CIAPIN1: variants seen among roughly 807,000 people sequenced by gnomAD.
CIAPIN1 encodes the protein anamorsin.
In CIAPIN1, 18 loss-of-function variants were observed where a neutral mutation model predicts 34.3. The observed-to-expected ratio is 0.52, with a 90% CI of 0.36 to 0.78. The LOEUF is 0.78. CIAPIN1 is among the 30% of genes least tolerant of loss of function. The pLI, the probability that CIAPIN1 is intolerant of heterozygous loss-of-function variation, is 0.00. For synonymous variants in CIAPIN1, 131 were observed against 140.4 expected (o/e 0.93, Z 0.47); for missense variants, 310 against 372.5 (o/e 0.83, Z 1.38).
intron 1 of CIAPIN1, among the ~76,000 whole-genome samples, chr16:57,446,742 C>G (rs223858): frequency 6.6e-6 from 1 of 152,108 alleles, no homozygotes; most frequent in African/African-American, 2.4e-5. Context: ...TGGACCACAC[C>G]CAGACCCACT....
Position 57,432,550 on chromosome 16 carries a change from A to G in CIAPIN1, c.567T>C (p.Ala189=), listed in dbSNP as rs975372243. 4 of 1,612,814 alleles carry G rather than the reference A, an allele frequency of 2.5e-6. No individual in the cohort carries two copies. The highest frequency in any genetic ancestry group is 3.4e-6 in the Non-Finnish European group (4 of 1,179,842). Residue 189 remains alanine (A), a synonymous_variant, in exon 6 of 9, where the codon GCT becomes GCC. Transcript: ENST00000394391. ...ACAGCTTGGCAGCAGCAGGGTCCAC[A>G]GCAGGTTTCACTGAGTCCAAGCAAT... ...TKKSSPSVKP[A]VDPAAAKLWT...
intron 1 of CIAPIN1, chr16:57,441,219 G>A (rs1180364711): frequency 9.1e-6 from 2 of 220,096 alleles, no homozygotes; most frequent in East Asian, 1.0e-4. Context: ...GTCAAGAAAG[G>A]GGATTAGAGG....
At chr16:57,444,475 G>A (rs1239666024) in intron 1 of CIAPIN1, among the ~76,000 whole-genome samples, 1 of 152,196 alleles carries the variant, frequency 6.6e-6, no homozygotes, top group East Asian at 1.9e-4. Flanking sequence ...CCTGATAGGA[G>A]GACACTCCAG....
chr16:57,434,435 T>C (rs1305540574), intron 4 of CIAPIN1, among the ~76,000 whole-genome samples: 1 of 152,198 alleles, frequency 6.6e-6, no homozygotes, highest in Non-Finnish European at 1.5e-5. Flanking sequence ...TTGGAAAATG[T>C]AAAAGTACTT....
chr16:57,431,342 G>T, intron 6 of CIAPIN1, 76 bp from the exon 7 acceptor site: 1 of 984,360 alleles, frequency 1.0e-6, no homozygotes, highest in Non-Finnish European at 1.6e-6. Context: ...TGCAGGCTTC[G>T]AGAGGAAACT....
rs1373318453 is a variant in CIAPIN1, at chr16:57,428,541, CTCAAGATATG to C, written c.*619_*628del. 3.3e-5 allele frequency: 5 copies of C among 152,262 alleles called. No individual in the cohort carries two copies. The highest frequency in any genetic ancestry group is 1.2e-4 in the African/African-American group (5 of 41,426). The allele number at this position is 152,262 out of a possible 1,614,324, so 9.4% of individuals were successfully genotyped here. A position where few individuals can be genotyped will look rare whatever the true frequency, so the allele number is the denominator to read the frequency against. ...CCTCTCTTTACAAGACATGCAGAAT[CTCAAGATATG>C]TCAAGATATGCAGCAAGTTTAATAC... On this transcript the variant is annotated 3_prime_UTR_variant, in exon 9 of 9. Transcript: ENST00000394391.
chr16:57,432,549 C>T lies in CIAPIN1; in HGVS notation c.568G>A (p.Val190Met), dbSNP rs1242224163. 6.2e-7 allele frequency: 1 copy of T among 1,612,752 alleles called. No homozygotes were observed. Reference protein sequence around the residue: ...KKSSPSVKPAVDPAAAKLWTL... With the variant: ...KKSSPSVKPAMDPAAAKLWTL... Reference sequence around the variant, plus strand: ...CACAGCTTGGCAGCAGCAGGGTCCACAGCAGGTTTCACTGAGTCCAAGCAA... The same window carrying T: ...CACAGCTTGGCAGCAGCAGGGTCCATAGCAGGTTTCACTGAGTCCAAGCAA... The change falls in exon 6 of 9, where the codon GTG becomes ATG. Residue 190 changes from valine (V) to methionine (M), a missense_variant. Val to Met is a conservative substitution (Grantham distance 21). Transcript: ENST00000394391.
At chr16:57,437,194 T>C (rs72780605) in intron 3 of CIAPIN1, among the ~76,000 whole-genome samples, 6,426 of 152,234 alleles carry the variant, frequency 0.042, 182 homozygotes, top group Middle Eastern at 0.085. Flanking sequence ...GACTTAATGA[T>C]GGTTCTACCT....
At chr16:57,439,133 C>G (rs779004815) in intron 3 of CIAPIN1, 49 bp downstream of exon 3, 2 of 1,604,020 alleles carry the variant, frequency 1.2e-6, no homozygotes, top group Non-Finnish European at 1.7e-6. Flanking sequence ...CACACATACT[C>G]TAAGACTCAA....
In CIAPIN1 at chr16:57,447,353, G is replaced by T; in HGVS notation, c.-67C>A. ...CCCACCACTCTCACCTGCCGCCTGG[G>T]CTCGCTCCCGGCTTCTCTCCAGCCG... On this transcript the variant is annotated 5_prime_UTR_variant, in exon 1 of 9. Coordinates refer to ENST00000394391, the MANE Select transcript of CIAPIN1 (RefSeq NM_020313.4). The T allele has an allele frequency of 1.5e-6, 1 of 668,478 alleles. No homozygotes were observed. Among genetic ancestry groups the T allele is most frequent in the Non-Finnish European group, 2.1e-6 (1 of 473,672 alleles). The allele number at this position is 668,478 out of a possible 1,614,324, so 41.4% of individuals were successfully genotyped here.
In CIAPIN1 at chr16:57,430,265, CA is replaced by C; in HGVS notation, c.820del (p.Cys274ValfsTer31). 1 of 1,614,150 alleles carries C rather than the reference CA, an allele frequency of 6.2e-7. No individual in the cohort carries two copies. Among genetic ancestry groups the C allele is most frequent in the Non-Finnish European group, 8.5e-7 (1 of 1,179,956 alleles). On this transcript the variant is annotated frameshift_variant, in exon 8 of 9. Transcript: ENST00000394391. LOFTEE classifies it high-confidence loss of function. ...EQMSSQPKSACGNCYLGDAFR... is the reference protein window; with the variant it reads ...EQMSSQPKSAXGNCYLGDAFR... Reference sequence around the variant, plus strand: ...AATGATCCTGATATTTACGTTTCCACAAGCTGACTTGGGTTGGGAGCTCATC... The same window carrying C: ...AATGATCCTGATATTTACGTTTCCACAGCTGACTTGGGTTGGGAGCTCATC...
rs1444846204 is a variant in CIAPIN1, at chr16:57,440,840, T to C, written c.89A>G (p.Asp30Gly). The C allele has an allele frequency of 1.9e-6, 3 of 1,613,950 alleles. No homozygotes were observed. Among genetic ancestry groups the C allele is most frequent in the Non-Finnish European group, 1.7e-6 (2 of 1,179,912 alleles). The change falls in exon 2 of 9, where the codon GAT becomes GGT. Residue 30 changes from aspartate to glycine, a missense_variant. Coordinates refer to ENST00000394391, the MANE Select transcript of CIAPIN1 (RefSeq NM_020313.4). ...ATTGCCGGTTAACGCTTGAAGCTTA[T>C]CCACCAGACCTTTCAGAGCCTCCAC... ...SPVEALKGLV[D>G]KLQALTGNEG...
At chr16:57,434,246 C>G (rs1427735392) in intron 4 of CIAPIN1, 34 bp from the exon 5 acceptor site, 1 of 1,608,972 alleles carries the variant, frequency 6.2e-7, no homozygotes, top group Admixed American at 1.7e-5. Flanking sequence ...ATTAGTTCAC[C>G]CTCCTCTGTA....
intron 3 of CIAPIN1, among the ~76,000 whole-genome samples, chr16:57,437,315 G>C (rs186178323): frequency 2.0e-5 from 3 of 152,064 alleles, no homozygotes; most frequent in African/African-American, 7.2e-5. Flanking sequence ...TTATAAACAG[G>C]CTTTGTGTTA....
intron 4 of CIAPIN1, among the ~76,000 whole-genome samples, chr16:57,435,381 G>A (rs1166026830): frequency 1.3e-5 from 2 of 152,088 alleles, no homozygotes; most frequent in African/African-American, 4.8e-5. Context: ...TTCAGTCTTA[G>A]GTATTCCTTT....
intron 1 of CIAPIN1, among the ~76,000 whole-genome samples, chr16:57,447,078 T>C (rs1475899452): frequency 6.6e-6 from 1 of 151,960 alleles, no homozygotes; most frequent in Non-Finnish European, 1.5e-5. Flanking sequence ...GGCCTCAGAG[T>C]AGGGCCGGCT....
In CIAPIN1 at chr16:57,439,332, C is replaced by T; in HGVS notation, c.160G>A (p.Ala54Thr). 6.2e-7 allele frequency: 1 copy of T among 1,614,126 alleles called. No individual in the cohort carries two copies. Residue 54 changes from alanine (A) to threonine (T), a missense_variant and splice_region_variant, in exon 3 of 9, where the codon GCC becomes ACC. Ala to Thr is a moderately conservative substitution (Grantham distance 58). Transcript: ENST00000394391. ...VENIKQLLQSAHKESSFDIIL... is the reference protein window; with the variant it reads ...VENIKQLLQSTHKESSFDIIL... ...ATGTCAAAGCTGGATTCTTTGTGGG[C>T]AGCTGAAAAGAAGAGGACTCTAATT...
At chr16:57,439,989 C>T (rs1270327950) in intron 2 of CIAPIN1, among the ~76,000 whole-genome samples, 5 of 152,276 alleles carry the variant, frequency 3.3e-5, no homozygotes, top group South Asian at 2.1e-4. Flanking sequence ...GAGAGCCAGG[C>T]GGAACAGAGC....
intron 6 of CIAPIN1, 94 bp from the exon 7 acceptor site, chr16:57,431,360 C>A: frequency 1.3e-6 from 1 of 796,650 alleles, no homozygotes; most frequent in Admixed American, 2.2e-5. Context: ...ACTTGGAGTC[C>A]AGGGTAAAGA....
Sources: allele counts gnomAD v4.1 joint callset (sites outside exome capture counted in the v4.1 genomes callset), GRCh38; gene constraint gnomAD v4.1.1; transcripts MANE v1.5; gene names NCBI Gene and HGNC (gene_info 2026-07-23, HGNC 2026-07-21).